The following SEMA6D variants were observed in gnomAD, a reference collection of about 807,000 sequenced individuals.
SEMA6D encodes semaphorin-6D.
SEMA6D carries 35 observed loss-of-function variants against 106.6 expected under a neutral mutation model. The ratio of observed to expected loss-of-function variants is 0.33; its 90% confidence interval spans 0.25 to 0.44. SEMA6D has a LOEUF of 0.44. Among genes scored for constraint, SEMA6D ranks in the 20% least tolerant of loss-of-function variants. The pLI is 1.00. For synonymous variants in SEMA6D, 499 were observed against 487.7 expected, an observed-to-expected ratio of 1.02 and a Z score of -0.31; for missense variants, 1,185 against 1,345.9, an observed-to-expected ratio of 0.88 and a Z score of 1.87.
chr15:47,337,118 A>C (rs1181783586), intron 1 of SEMA6D, among the ~76,000 whole-genome samples: 1 of 152,150 alleles, frequency 6.6e-6, no homozygotes, highest in Non-Finnish European at 1.5e-5. Context: ...GTAAATGCCC[A>C]TAAGAAGAAC....
intron 1 of SEMA6D, among the ~76,000 whole-genome samples, chr15:47,285,824 C>G (rs1427300261): frequency 6.6e-6 from 1 of 152,200 alleles, no homozygotes; most frequent in African/African-American, 2.4e-5. Context: ...AGTCTCATTT[C>G]TATCCTAACT....
rs140944272 is a variant in SEMA6D at position 47,466,880 on chromosome 15, C to A, written c.-158-3594C>A. Among the ~76,000 whole-genome samples the A allele has an allele frequency of 3.8e-3, 567 of 150,686 alleles. 6 individuals carry two copies. Among genetic ancestry groups the A allele is most frequent in the African/African-American group, 0.014 (552 of 40,854 alleles). On this transcript the variant is annotated intron_variant, in intron 2 of 19. Transcript: ENST00000558014. ...TAGCTGGGATTATAGGAGTGTAGCA[C>A]CACGCCTGGCTTTTTTTTTTTTTTT...
In SEMA6D at chr15:47,669,124, G is replaced by A. The variant is rs559838463; in HGVS notation, c.-55+68228G>A. On this transcript the variant is annotated intron_variant, in intron 4 of 19. Coordinates refer to the SEMA6D transcript ENST00000558014. The stretch of plus-strand genomic sequence containing the variant: ...AAGGGAAGTTGGGCAGAGCCATCAG[G>A]CCATTTCATCCCTATATGAGCAAGT... 9.2e-5 allele frequency among the ~76,000 whole-genome samples: 14 copies of A among 152,090 alleles called. No individual in the cohort carries two copies. The South Asian group carries it at 2.5e-3, about 27-fold the overall frequency.
At chr15:47,336,389 G>A (rs565474577) in intron 1 of SEMA6D, among the ~76,000 whole-genome samples, 1 of 152,256 alleles carries the variant, frequency 6.6e-6, no homozygotes, top group East Asian at 1.9e-4. Flanking sequence ...TGGAGTGCTG[G>A]TAGGGACAAA....
chr15:47,578,948 C>T (rs2076206741), intron 3 of SEMA6D, among the ~76,000 whole-genome samples: 1 of 152,138 alleles, frequency 6.6e-6, no homozygotes, highest in Non-Finnish European at 1.5e-5. Context: ...ACCTATCTTG[C>T]ATATGTGGAC....
chr15:47,367,755 A>T (rs1385759766), intron 1 of SEMA6D, among the ~76,000 whole-genome samples: 1 of 151,822 alleles, frequency 6.6e-6, no homozygotes, highest in Non-Finnish European at 1.5e-5. Flanking sequence ...GAGAGAGTTT[A>T]ATACAATTGG....
chr15:47,760,034 G>T, intron 2 of SEMA6D, 127 bp downstream of exon 2: 1 of 756,132 alleles, frequency 1.3e-6, no homozygotes. Context: ...TTGCATCTGA[G>T]TTTATCAGTA....
At chr15:47,319,546 C>A (rs192450153) in intron 1 of SEMA6D, among the ~76,000 whole-genome samples, 1 of 151,968 alleles carries the variant, frequency 6.6e-6, no homozygotes, top group African/African-American at 2.4e-5. Flanking sequence ...TTTCTCCCCC[C>A]ACCCCAGGGA....
At chr15:47,332,510 G>A (rs2037381433) in intron 1 of SEMA6D, among the ~76,000 whole-genome samples, 1 of 152,194 alleles carries the variant, frequency 6.6e-6, no homozygotes, top group Non-Finnish European at 1.5e-5. Context: ...CATGTCCCTA[G>A]GTGGCACAAA....
chr15:47,340,474 T>C (rs2037770764), intron 1 of SEMA6D, among the ~76,000 whole-genome samples: 1 of 152,226 alleles, frequency 6.6e-6, no homozygotes, highest in Non-Finnish European at 1.5e-5. Context: ...TGGATCGTTA[T>C]CTACAGTCTG....
At chr15:47,740,874 A>G (rs1476433224) in intron 1 of SEMA6D, among the ~76,000 whole-genome samples, 1 of 152,142 alleles carries the variant, frequency 6.6e-6, no homozygotes, top group African/African-American at 2.4e-5. Flanking sequence ...CGTCAAAGAT[A>G]GGTAGGAGGA....
intron 3 of SEMA6D, among the ~76,000 whole-genome samples, chr15:47,503,330 G>T (rs1360935502): frequency 6.6e-6 from 1 of 151,948 alleles, no homozygotes; most frequent in African/African-American, 2.4e-5. Flanking sequence ...CTCTTCTTTT[G>T]TCAGAAAGAA....
chr15:47,514,606 A>G (rs934168977), intron 3 of SEMA6D, among the ~76,000 whole-genome samples: 21 of 152,326 alleles, frequency 1.4e-4, no homozygotes, highest in African/African-American at 4.6e-4. Flanking sequence ...GAAAACTATG[A>G]AAGCTATATC....
At chr15:47,418,486 T>G (rs1337165732) in intron 2 of SEMA6D, among the ~76,000 whole-genome samples, 1 of 152,112 alleles carries the variant, frequency 6.6e-6, no homozygotes, top group East Asian at 1.9e-4. Context: ...CCGAGCCTTC[T>G]GTTTGTCCTT....
chr15:47,768,521 G>C (rs1597093785), intron 17 of SEMA6D, 60 bp from the exon 18 acceptor site: 1 of 1,378,524 alleles, frequency 7.3e-7, no homozygotes, highest in East Asian at 2.4e-5. Flanking sequence ...AAATGCAACA[G>C]ACCAATCAAA....
chr15:47,488,847 AG>A (rs1281015046), intron 3 of SEMA6D, among the ~76,000 whole-genome samples: 1 of 152,196 alleles, frequency 6.6e-6, no homozygotes, highest in Non-Finnish European at 1.5e-5. Context: ...TCACACTCTT[AG>A]GGTCCTGTCG....
At position 47,672,324 on chromosome 15, in the gene SEMA6D, C is replaced by T. The variant is rs2078153312; in HGVS notation, c.-55+71428C>T. Among the ~76,000 whole-genome samples, 5 of 152,128 alleles carry T rather than the reference C, an allele frequency of 3.3e-5. 1 individual carries two copies. The South Asian group carries it at 1.0e-3, about 32-fold the overall frequency. On this transcript the variant is annotated intron_variant, in intron 4 of 19. Coordinates refer to the SEMA6D transcript ENST00000558014. ...TGAGAAATGGCTTTCCTGATCATCC[C>T]CATTTTCCCTATCGGAAACAGATTC...
At chr15:47,573,136 CA>C (rs1398048640) in intron 3 of SEMA6D, among the ~76,000 whole-genome samples, 2 of 149,146 alleles carry the variant, frequency 1.3e-5, no homozygotes, top group African/African-American at 5.0e-5. Flanking sequence ...ACAACCAGCA[CA>C]AAATAGTGAA....
chr15:47,623,706 T>C (rs998108573), intron 4 of SEMA6D, among the ~76,000 whole-genome samples: 1 of 152,098 alleles, frequency 6.6e-6, no homozygotes, highest in African/African-American at 2.4e-5. Flanking sequence ...ATGTACTCAA[T>C]AAAATATTTT....
Sources: gnomAD v4.1 joint callset for allele counts (sites outside exome capture counted in the v4.1 genomes callset) on GRCh38, gnomAD v4.1.1 for gene constraint, MANE v1.5 for transcripts, NCBI Gene and HGNC (gene_info 2026-07-23, HGNC 2026-07-21) for gene names.